Variants in ZNF385D observed in about 807,000 individuals in gnomAD.
ZNF385D encodes the protein zinc finger protein 659.
In ZNF385D, 15 loss-of-function variants were observed where a neutral mutation model predicts 35.8. The ratio of observed to expected loss-of-function variants is 0.42; its 90% CI spans 0.28 to 0.64. The LOEUF (loss-of-function observed/expected upper bound fraction) is 0.64. ZNF385D is among the 30% of genes least tolerant of loss of function. ZNF385D has a pLI of 0.23. For synonymous variants in ZNF385D, 212 were observed against 186.8 expected (o/e 1.13, Z -1.10); for missense variants, 474 against 494.6 (o/e 0.96, Z 0.39).
At chr3:21,751,455 G>A (rs189218752), upstream of ZNF385D, 30 of 986,618 alleles carry the variant, frequency 3.0e-5, no homozygotes, top group East Asian at 2.5e-3. Context: ...ACGTGGTTAA[G>A]GCGAGTTCTG....
chr3:21,994,144 A>T (rs975232751), intron 3 of ZNF385D, among the ~76,000 whole-genome samples: 1 of 152,192 alleles, frequency 6.6e-6, no homozygotes, highest in Non-Finnish European at 1.5e-5. Flanking sequence ...CAGCAAGCTA[A>T]ACAAACCAAA....
In ZNF385D at chr3:21,953,244, T is replaced by C. The variant is rs114624105; in HGVS notation, c.325+215573A>G. 6.6e-3 allele frequency among the ~76,000 whole-genome samples: 991 copies of C among 149,892 alleles called. 10 individuals are homozygous for C. The highest frequency in any genetic ancestry group is 0.023 in the African/African-American group (929 of 40,712). On this transcript the variant is annotated intron_variant, in intron 3 of 5. Transcript: ENST00000494108. ...CAAGCAAGCAGCAGAACTTACAAAC[T>C]AGAGGCTCAGAATAAAACTTTTTTT...
chr3:21,535,640 AT>A (rs142348622), intron 3 of ZNF385D, among the ~76,000 whole-genome samples: 3,491 of 150,624 alleles, frequency 0.023, 143 homozygotes, highest in African/African-American at 0.08. Flanking sequence ...CCACTTAGCA[AT>A]TTTTTTTTTC....
chr3:22,047,564 T>G (rs945418117), intron 3 of ZNF385D, among the ~76,000 whole-genome samples: 2 of 152,120 alleles, frequency 1.3e-5, no homozygotes, highest in African/African-American at 4.8e-5. Context: ...CATGTTGTTA[T>G]AAATGACAGG....
chr3:21,982,122 AGT>A (rs1694495022), intron 3 of ZNF385D, among the ~76,000 whole-genome samples: 1 of 143,998 alleles, frequency 6.9e-6, no homozygotes, highest in South Asian at 2.2e-4. Flanking sequence ...CATCACTGGT[AGT>A]TTGATAGGAG....
intron 3 of ZNF385D, among the ~76,000 whole-genome samples, chr3:22,154,424 A>G (rs1272043713): frequency 2.6e-5 from 4 of 152,268 alleles, no homozygotes; most frequent in Non-Finnish European, 5.9e-5. Flanking sequence ...CAACTCAGCT[A>G]CAGAGGGCTT....
intron 3 of ZNF385D, among the ~76,000 whole-genome samples, chr3:21,880,579 C>G (rs1360814778): frequency 2.0e-5 from 3 of 151,988 alleles, no homozygotes; most frequent in African/African-American, 7.2e-5. Context: ...GCCTCCCTAT[C>G]CCCTGAGACA....
chr3:21,568,422 A>T (rs1468365071), intron 2 of ZNF385D, among the ~76,000 whole-genome samples: 1 of 152,184 alleles, frequency 6.6e-6, no homozygotes, highest in Non-Finnish European at 1.5e-5. Flanking sequence ...ATAAAAAGAA[A>T]GTCATGTATA....
intron 1 of ZNF385D, among the ~76,000 whole-genome samples, chr3:21,666,454 G>A (rs1487884659): frequency 6.6e-6 from 1 of 152,078 alleles, no homozygotes; most frequent in Non-Finnish European, 1.5e-5. Context: ...TAATAGCACG[G>A]CCAACAATAG....
intron 3 of ZNF385D, among the ~76,000 whole-genome samples, chr3:22,140,028 T>C (rs1394266939): frequency 2.0e-5 from 3 of 152,234 alleles, no homozygotes; most frequent in Non-Finnish European, 4.4e-5. Flanking sequence ...ACAGCCACTT[T>C]GGATTCATTG....
At chr3:21,775,839 C>T (rs534318437) in intron 3 of ZNF385D, among the ~76,000 whole-genome samples, 2 of 151,576 alleles carry the variant, frequency 1.3e-5, no homozygotes, top group East Asian at 2.0e-4. Context: ...GTATAAATAG[C>T]GTTTTCCAGT....
chr3:21,534,544 C>T (rs1447955279), intron 3 of ZNF385D, among the ~76,000 whole-genome samples: 1 of 152,032 alleles, frequency 6.6e-6, no homozygotes. Flanking sequence ...GTGCTTTTAC[C>T]CATGCTGCTA....
intron 2 of ZNF385D, among the ~76,000 whole-genome samples, chr3:22,277,133 TTAA>T (rs1221317934): frequency 2.0e-5 from 3 of 152,146 alleles, no homozygotes; most frequent in South Asian, 4.1e-4. Flanking sequence ...TAAAACTAAC[TTAA>T]TAACTCCCAA....
At chr3:22,370,470 A>C (rs953576280) in intron 2 of ZNF385D, among the ~76,000 whole-genome samples, 1 of 152,150 alleles carries the variant, frequency 6.6e-6, no homozygotes, top group African/African-American at 2.4e-5. Flanking sequence ...TCACATCTAC[A>C]AATTCTGCAT....
intron 3 of ZNF385D, among the ~76,000 whole-genome samples, chr3:21,773,599 A>C (rs1433275373): frequency 6.6e-6 from 1 of 152,048 alleles, no homozygotes; most frequent in East Asian, 1.9e-4. Flanking sequence ...TCCCATTAAA[A>C]AGTGGGCAAA....
intron 2 of ZNF385D, among the ~76,000 whole-genome samples, chr3:21,653,468 C>T (rs906783983): frequency 1.3e-5 from 2 of 151,978 alleles, no homozygotes; most frequent in African/African-American, 4.8e-5. Context: ...CCATGAGCCA[C>T]AGTAAGAAGC....
At chr3:22,292,143 T>C (rs1193196954) in intron 2 of ZNF385D, among the ~76,000 whole-genome samples, 5 of 152,070 alleles carry the variant, frequency 3.3e-5, no homozygotes, top group African/African-American at 9.6e-5. Flanking sequence ...TAATGTACTT[T>C]CTACCACCTT....
At chr3:21,645,458 T>A (rs1457229593) in intron 2 of ZNF385D, among the ~76,000 whole-genome samples, 1 of 152,158 alleles carries the variant, frequency 6.6e-6, no homozygotes, top group Non-Finnish European at 1.5e-5. Flanking sequence ...AGGTGGGGGA[T>A]CTTAACTGCA....
chr3:22,329,799 C>A (rs1204004119), intron 2 of ZNF385D, among the ~76,000 whole-genome samples: 2 of 152,026 alleles, frequency 1.3e-5, no homozygotes, highest in African/African-American at 4.8e-5. Flanking sequence ...TATTTTAACC[C>A]AATATATACA....
Sources: gnomAD v4.1 joint callset for allele counts (sites outside exome capture counted in the v4.1 genomes callset) on GRCh38, gnomAD v4.1.1 for gene constraint, MANE v1.5 for transcripts, NCBI Gene and HGNC (gene_info 2026-07-23, HGNC 2026-07-21) for gene names.